The following PDK3 variants were observed in gnomAD, a reference collection of about 807,000 sequenced individuals.
The protein encoded by PDK3 is pyruvate dehydrogenase kinase, isozyme 3.
In PDK3, 12 loss-of-function variants were observed where a neutral mutation model predicts 32.0. That is an observed-to-expected ratio of 0.37 (90% CI 0.24 to 0.61). The LOEUF is 0.61. Ranked by LOEUF, PDK3 falls within the 20% of genes least tolerant of loss-of-function variation. The pLI, the probability that PDK3 is intolerant of heterozygous loss-of-function variation, is 0.65. For synonymous variants in PDK3, 122 were observed against 116.3 expected, an observed-to-expected ratio of 1.05 and a Z score of -0.31; for missense variants, 188 against 316.9, an observed-to-expected ratio of 0.59 and a Z score of 3.09.
intron 2 of PDK3, among the ~76,000 whole-genome samples, chrX:24,496,771 C>CTTT (rs376346872): frequency 0.017 from 618 of 35,409 alleles, 121 homozygotes; most frequent in African/African-American, 0.052. Context: ...TCAAAATAAT[C>CTTT]TTTTTTTTTT....
chrX:24,498,766 G>T (rs1011544475), intron 2 of PDK3, 63 bp from the exon 3 acceptor site: 4 of 644,042 alleles, frequency 6.2e-6, no homozygotes, highest in Non-Finnish European at 9.3e-6. Context: ...GAGAGGAGGG[G>T]TGGATGCTGG....
At chrX:24,486,694 C>A (rs1340600362) in intron 1 of PDK3, among the ~76,000 whole-genome samples, 1 of 111,485 alleles carries the variant, frequency 9.0e-6, no homozygotes, top group South Asian at 3.8e-4. Flanking sequence ...TGCAGTGGCA[C>A]AATCACAGCT....
intron 1 of PDK3, among the ~76,000 whole-genome samples, chrX:24,471,148 A>G (rs1041819195): frequency 9.0e-6 from 1 of 111,275 alleles, no homozygotes; most frequent in African/African-American, 3.3e-5. Context: ...GCACGTGTAT[A>G]CCTATGTAAC....
At chrX:24,529,758 C>CAAAAAAAAAAAAA (rs535951847) in intron 9 of PDK3, among the ~76,000 whole-genome samples, 1 of 50,535 alleles carries the variant, frequency 2.0e-5, no homozygotes, top group Non-Finnish European at 3.4e-5. Flanking sequence ...GGCTCTGCCT[C>CAAAAAAAAAAAAA]AAAAAAAAAA....
chrX:24,507,259 A>G (rs958143664), intron 5 of PDK3, among the ~76,000 whole-genome samples: 1 of 112,289 alleles, frequency 8.9e-6, no homozygotes, highest in African/African-American at 3.2e-5. Flanking sequence ...AAACAAAACA[A>G]TACAATATGT....
chrX:24,520,103 G>T (rs1361831110), intron 6 of PDK3, among the ~76,000 whole-genome samples: 1 of 111,734 alleles, frequency 8.9e-6, no homozygotes, highest in Admixed American at 9.5e-5. Context: ...TGAGGCAGGA[G>T]AATCACTTGA....
chrX:24,524,253 T>C (rs1922468759), intron 6 of PDK3, among the ~76,000 whole-genome samples: 1 of 112,155 alleles, frequency 8.9e-6, no homozygotes, highest in East Asian at 2.8e-4. Context: ...CTATGCAGCA[T>C]GTTTGCAAAG....
At chrX:24,535,414 A>T (rs920649882), downstream of PDK3, among the ~76,000 whole-genome samples, 19 of 107,091 alleles carry the variant, frequency 1.8e-4, no homozygotes, top group East Asian at 9.1e-4. Flanking sequence ...CTGAAGCAGG[A>T]GAATTGCTTG....
chrX:24,491,266 G>A (rs376180086), intron 1 of PDK3, among the ~76,000 whole-genome samples: 3 of 94,606 alleles, frequency 3.2e-5, no homozygotes, highest in Admixed American at 2.4e-4. Flanking sequence ...GTGACAGAGC[G>A]AGACCCTGTC....
At chrX:24,548,053 G>A (rs756580609) in exon 12 of PDK3, 1 of 112,176 alleles carries the variant, frequency 8.9e-6, no homozygotes, top group African/African-American at 3.2e-5. Flanking sequence ...ACCCCCGCCT[G>A]TCTCAGGGAA....
At chrX:24,535,460 G>C (rs1238442305), downstream of PDK3, among the ~76,000 whole-genome samples, 1 of 97,494 alleles carries the variant, frequency 1.0e-5, no homozygotes, top group Admixed American at 1.2e-4. Flanking sequence ...AGCCAAGATA[G>C]TACCACTGCA....
exon 12 of PDK3, chrX:24,548,585 C>T (rs1480425236): frequency 8.9e-6 from 1 of 112,399 alleles, no homozygotes; most frequent in East Asian, 2.8e-4. Context: ...ATGTCTAACT[C>T]TGGCACACAG....
At position 24,534,191 on chromosome X, in the gene PDK3, C is replaced by T; in HGVS notation, c.*119C>T. On this transcript the variant is annotated 3_prime_UTR_variant, in exon 11 of 11. Coordinates refer to ENST00000379162, the MANE Select transcript of PDK3 (RefSeq NM_005391.5). ...TCACAACAGCAAGCAGGGATTTGGC[C>T]TGCCATCAATTTTATTTAAAAAGCA... is the stretch of plus-strand genomic sequence containing the variant. The T allele has an allele frequency of 1.0e-6, 1 of 969,631 alleles. No homozygotes were observed. The highest frequency in any genetic ancestry group is 1.3e-6 in the Non-Finnish European group (1 of 767,136). 79.9% of individuals were successfully genotyped at this position (969,631 alleles called of 1,213,427 possible).
Position 24,465,378 on chromosome X carries a change from C to G in PDK3, c.-78C>G. ...GGGGTGCGCGCTTCGCAAACGTGCC[C>G]TATCCGTGCGGCTTGGCTGCGCCAG... On this transcript the variant is annotated 5_prime_UTR_variant, in exon 1 of 11. Coordinates refer to ENST00000379162, the MANE Select transcript of PDK3 (RefSeq NM_005391.5). The G allele has an allele frequency of 2.7e-6, 2 of 743,631 alleles. No individual in the cohort carries two copies. The highest frequency in any genetic ancestry group is 3.9e-6 in the Non-Finnish European group (2 of 508,208). 61.3% of individuals were successfully genotyped at this position (743,631 alleles called of 1,213,427 possible).
At chrX:24,498,808 C>CTT (rs374771377) in intron 2 of PDK3, 21 bp from the exon 3 acceptor site, 98 of 794,602 alleles carry the variant, frequency 1.2e-4, no homozygotes, top group Admixed American at 1.5e-4. Context: ...TCTTCTTTTT[C>CTT]TTTTTTTTTT....
At chrX:24,541,863 CTG>C (rs1922900887) in exon 12 of PDK3, among the ~76,000 whole-genome samples, 1 of 112,523 alleles carries the variant, frequency 8.9e-6, no homozygotes, top group Admixed American at 9.4e-5. Context: ...TCCCATTCCT[CTG>C]TACTGCTCTT....
exon 12 of PDK3, among the ~76,000 whole-genome samples, chrX:24,542,433 G>A (rs1922911764): frequency 8.9e-6 from 1 of 112,780 alleles, no homozygotes. Context: ...GTTTGCCAAG[G>A]TGGCATGGTA....
chrX:24,528,295 G>T, intron 9 of PDK3, 109 bp downstream of exon 9: 2 of 454,893 alleles, frequency 4.4e-6, no homozygotes, highest in Non-Finnish European at 7.6e-6. Context: ...GATTTAGAAG[G>T]TTGCGTGTAT....
At chrX:24,484,366 A>G (rs754343318) in intron 1 of PDK3, among the ~76,000 whole-genome samples, 6 of 112,498 alleles carry the variant, frequency 5.3e-5, no homozygotes, top group Admixed American at 3.8e-4. Context: ...GGACTCTTCA[A>G]TCTTTTGAGG....
Sources: allele counts gnomAD v4.1 joint callset (sites outside exome capture counted in the v4.1 genomes callset), GRCh38; gene constraint gnomAD v4.1.1; transcripts MANE v1.5; gene names NCBI Gene and HGNC (gene_info 2026-07-23, HGNC 2026-07-21).